The following MAP3K4 variants were observed in gnomAD, a reference collection of about 807,000 sequenced individuals.
The protein encoded by MAP3K4 is MAP three kinase 1.
Under a neutral mutation model 185.6 loss-of-function variants are expected in MAP3K4, and 67 were observed. The ratio of observed to expected loss-of-function variants is 0.36; its 90% CI spans 0.30 to 0.44. The LOEUF (loss-of-function observed/expected upper bound fraction) is 0.44, where lower values mean the gene tolerates loss of function less well. Ranked by LOEUF, MAP3K4 falls within the 20% of genes least tolerant of loss-of-function variation. The pLI, the probability that MAP3K4 is intolerant of heterozygous loss-of-function variation, is 1.00. For missense variants in MAP3K4, 1,551 were observed against 1,995.1 expected, an observed-to-expected ratio of 0.78 and a Z score of 4.24; for synonymous variants, 702 against 710.4, an observed-to-expected ratio of 0.99 and a Z score of 0.19.
chr6:161,001,027 ATTATATATT>A (rs1781280831), intron 1 of MAP3K4, among the ~76,000 whole-genome samples: 1 of 13,216 alleles, frequency 7.6e-5, no homozygotes, highest in Non-Finnish European at 1.5e-4. Flanking sequence ...TATAATATAT[ATTATATATT>A]ATAATATACA....
In MAP3K4 at chr6:161,109,810, C is replaced by G; in HGVS notation, c.4292C>G (p.Ser1431Ter). 1 of 1,614,110 alleles carries G rather than the reference C, an allele frequency of 6.2e-7. No individual in the cohort carries two copies. Among genetic ancestry groups the G allele is most frequent in the Non-Finnish European group, 8.5e-7 (1 of 1,180,024 alleles). Residue 1431 changes from serine to a stop codon, truncating the protein, a stop_gained, in exon 23 of 27, where the codon TCA becomes TGA. Coordinates refer to ENST00000392142, the MANE Select transcript of MAP3K4 (RefSeq NM_005922.4). LOFTEE classifies it high-confidence loss of function. The surrounding 1 kb of genome is among the most constrained non-coding windows in gnomAD (Gnocchi z 5.7). ...GATGAGGGGACTTTAGAAGAGGTGT[C>G]AAGGCTGGGACTTCAGGAACATGTG... The part of the protein sequence containing the change: ...YCDEGTLEEV[S>*]RLGLQEHVIR...
chr6:161,054,496 A>C lies in MAP3K4; in HGVS notation c.1707+4517A>C, dbSNP rs1980328. 0.19 allele frequency among the ~76,000 whole-genome samples: 28,981 copies of C among 152,184 alleles called. 3,484 individuals are homozygous for C. Among genetic ancestry groups the C allele is most frequent in the East Asian group, 0.34 (1,737 of 5,180 alleles). On this transcript the variant is annotated intron_variant, in intron 3 of 26. Coordinates refer to ENST00000392142, the MANE Select transcript of MAP3K4 (RefSeq NM_005922.4). This position sits in a 1 kb window ranked among gnomAD's most constrained non-coding sequence, Gnocchi z 4.2. The stretch of plus-strand genomic sequence containing the variant: ...TAAAACTTTATTAATATTTCAAAAT[A>C]TTTTAAAAGAACTGAACTAGCAATA...
chr6:161,032,407 T>C (rs1782971717), intron 1 of MAP3K4, among the ~76,000 whole-genome samples: 1 of 152,214 alleles, frequency 6.6e-6, no homozygotes, highest in Non-Finnish European at 1.5e-5. Flanking sequence ...CTGACTCTTT[T>C]GTTAAGTGTA....
At position 161,017,843 on chromosome 6, in the gene MAP3K4, A is replaced by G. The variant is rs1041354647; in HGVS notation, c.153-16416A>G. 3.3e-5 allele frequency among the ~76,000 whole-genome samples: 5 copies of G among 152,298 alleles called. No individual in the cohort carries two copies. Among genetic ancestry groups the G allele is most frequent in the African/African-American group, 7.2e-5 (3 of 41,574 alleles). On this transcript the variant is annotated intron_variant, in intron 1 of 26. Coordinates refer to ENST00000392142, the MANE Select transcript of MAP3K4 (RefSeq NM_005922.4). The surrounding 1 kb of genome is among the most constrained non-coding windows in gnomAD (Gnocchi z 5.1). ...GAAGGTCAAGTACTGGTTTTCCCAA[A>G]TGTGTGATGAAGCTGATTGTGCGTT...
At position 161,109,750 on chromosome 6, in the gene MAP3K4, C is replaced by T. The variant is rs1778263652; in HGVS notation, c.4237-5C>T. 2.5e-6 allele frequency: 4 copies of T among 1,613,918 alleles called. No individual in the cohort carries two copies. The highest frequency in any genetic ancestry group is 1.1e-5 in the South Asian group (1 of 91,074). On this transcript the variant is annotated splice_region_variant and splice_polypyrimidine_tract_variant and intron_variant, in intron 22 of 26. Transcript: ENST00000392142. The surrounding 1 kb of genome is among the most constrained non-coding windows in gnomAD (Gnocchi z 5.7). Reference sequence around the variant, plus strand: ...ACACAGAGCTGCCCTTTATTCCTCCCACAGGAAGAAATGTACATCTTCATG... The same window carrying T: ...ACACAGAGCTGCCCTTTATTCCTCCTACAGGAAGAAATGTACATCTTCATG...
At chr6:161,042,878 G>T (rs987868836) in intron 2 of MAP3K4, among the ~76,000 whole-genome samples, 3 of 150,530 alleles carry the variant, frequency 2.0e-5, no homozygotes, top group Admixed American at 6.7e-5. Context: ...CAGAAGTAGA[G>T]CAAATATTTT....
intron 1 of MAP3K4, among the ~76,000 whole-genome samples, chr6:160,993,820 CTG>C (rs1780862985): frequency 6.6e-6 from 1 of 150,838 alleles, no homozygotes; most frequent in Non-Finnish European, 1.5e-5. Context: ...TTTCATCCAA[CTG>C]TAAGTGAACA....
chr6:161,009,509 T>G (rs1302736815), intron 1 of MAP3K4, among the ~76,000 whole-genome samples: 1 of 152,206 alleles, frequency 6.6e-6, no homozygotes, highest in African/African-American at 2.4e-5. Context: ...TTTTTCTGAT[T>G]GGCTTATTTC....
Position 161,086,256 on chromosome 6 carries a change from A to G in MAP3K4, c.2373-123A>G, listed in dbSNP as rs117412379. ...TCAATAATAGTTTGTTCCCATTTAA[A>G]AAATCCTCAGTCTTTATTTATTACT... On this transcript the variant is annotated intron_variant, in intron 7 of 26. Coordinates refer to ENST00000392142, the MANE Select transcript of MAP3K4 (RefSeq NM_005922.4). The surrounding 1 kb of genome is among the most constrained non-coding windows in gnomAD (Gnocchi z 4.8). The G allele has an allele frequency of 8.6e-4, 476 of 552,920 alleles. 5 individuals carry two copies. The East Asian group carries it at 0.013, about 15-fold the overall frequency. The allele number at this position is 552,920 out of a possible 1,614,324, so 34.3% of individuals were successfully genotyped here.
In MAP3K4 at chr6:161,117,157, G is replaced by A. The variant is rs1393306569; in HGVS notation, c.*287G>A. The stretch of plus-strand genomic sequence containing the variant: ...TCCGTGTCTCGCGCGACTGAGAACC[G>A]TGACATCAGCGTAGTGTTTTGACCT... On this transcript the variant is annotated 3_prime_UTR_variant, in exon 27 of 27. Transcript: ENST00000392142. The A allele has an allele frequency of 2.9e-5, 12 of 410,180 alleles. No individual in the cohort carries two copies. Among genetic ancestry groups the A allele is most frequent in the South Asian group, 4.7e-5 (1 of 21,114 alleles). 25.4% of individuals were successfully genotyped at this position (410,180 alleles called of 1,614,324 possible).
intron 2 of MAP3K4, among the ~76,000 whole-genome samples, chr6:161,041,740 C>G (rs1783462433): frequency 6.6e-6 from 1 of 152,072 alleles, no homozygotes; most frequent in Non-Finnish European, 1.5e-5. Context: ...AGTGCCTTGT[C>G]TTGGACCTTT....
chr6:161,089,244 T>G (rs1238054205), intron 10 of MAP3K4, 78 bp from the exon 11 acceptor site: 3 of 1,486,500 alleles, frequency 2.0e-6, no homozygotes, highest in Non-Finnish European at 1.8e-6. Flanking sequence ...TTGGCATTGT[T>G]TTTGGACTGG....
rs1057303312 is a variant in MAP3K4, at chr6:161,075,208, G to A, written c.2097+1596G>A. Among the ~76,000 whole-genome samples the A allele has an allele frequency of 2.2e-4, 34 of 152,118 alleles. No homozygotes were observed. The highest frequency in any genetic ancestry group is 7.7e-4 in the African/African-American group (32 of 41,410). The stretch of plus-strand genomic sequence containing the variant: ...TTTGCTCTGTCACCTAGACTGAAAC[G>A]CAGTGGTGTGTTGACGGCTTCCTGT... On this transcript the variant is annotated intron_variant, in intron 5 of 26. Transcript: ENST00000392142. This position sits in a 1 kb window ranked among gnomAD's most constrained non-coding sequence, Gnocchi z 4.3.
Position 161,098,283 on chromosome 6 carries a change from G to A in MAP3K4, c.3530G>A (p.Arg1177Gln), listed in dbSNP as rs370587032. 4.3e-6 allele frequency: 7 copies of A among 1,612,446 alleles called. No homozygotes were observed. Among genetic ancestry groups the A allele is most frequent in the African/African-American group, 2.7e-5 (2 of 74,794 alleles). The change falls in exon 17 of 27, where the codon CGG becomes CAG. Residue 1177 changes from arginine to glutamine, a missense_variant. Arg to Gln is a conservative substitution (Grantham distance 43). This residue lies in a region of MAP3K4 where 272 missense variants were observed against 301.2 expected (regional missense o/e 0.90). Transcript: ENST00000392142. This position sits in a 1 kb window ranked among gnomAD's most constrained non-coding sequence, Gnocchi z 4.4. Reference protein sequence around the residue: ...IIPTPEGFSTRSMPSDARSHG... With the variant: ...IIPTPEGFSTQSMPSDARSHG... ...AGCTTTTCTTCTTGTCTTAGCACTC[G>A]GAGCATGCCTTCCGACGCGCGGAGC...
At position 161,102,759 on chromosome 6, in the gene MAP3K4, C is replaced by T; in HGVS notation, c.3836C>T (p.Thr1279Ile). Residue 1279 changes from threonine (T) to isoleucine (I), a missense_variant, in exon 19 of 27, where the codon ACA becomes ATA. Thr to Ile is a moderately conservative substitution (Grantham distance 89, BLOSUM62 -1). This residue lies in a region of MAP3K4 where 272 missense variants were observed against 301.2 expected (regional missense o/e 0.90). Coordinates refer to ENST00000392142, the MANE Select transcript of MAP3K4 (RefSeq NM_005922.4). ...GSTRRSWELRTLISQSKDTAS... is the reference protein window; with the variant it reads ...GSTRRSWELRILISQSKDTAS... ...ACAAGAAGAAGTTGGGAACTTCGGA[C>T]ACTAATCAGCCAGAGTAAAGGTGAG... is the stretch of plus-strand genomic sequence containing the variant. 1 of 1,520,082 alleles carries T rather than the reference C, an allele frequency of 6.6e-7. No individual in the cohort carries two copies. The highest frequency in any genetic ancestry group is 1.4e-5 in the African/African-American group (1 of 69,122). 94.2% of individuals were successfully genotyped at this position (1,520,082 alleles called of 1,614,324 possible). A position where few individuals can be genotyped will look rare whatever the true frequency, so the allele number is the denominator to read the frequency against.
intron 1 of MAP3K4, among the ~76,000 whole-genome samples, chr6:161,006,830 G>A (rs1054742785): frequency 6.6e-6 from 1 of 151,484 alleles, no homozygotes; most frequent in African/African-American, 2.4e-5. Context: ...ATACGCAAAT[G>A]TAACATTCTC....
intron 1 of MAP3K4, among the ~76,000 whole-genome samples, chr6:161,006,318 T>C (rs1433445061): frequency 6.6e-6 from 1 of 152,228 alleles, no homozygotes; most frequent in Non-Finnish European, 1.5e-5. Flanking sequence ...TCTGCATCTG[T>C]GGATTCAACC....
chr6:161,044,868 T>C (rs1284519082), intron 2 of MAP3K4, among the ~76,000 whole-genome samples: 3 of 152,100 alleles, frequency 2.0e-5, no homozygotes, highest in South Asian at 2.1e-4. Context: ...CATGAACTAA[T>C]AGAGCGAGGA....
rs2114745944 is a variant in MAP3K4, at chr6:161,043,589, T to TA, written c.344-5026dup. 6.6e-6 allele frequency among the ~76,000 whole-genome samples: 1 copy of TA among 152,292 alleles called. No homozygotes were observed. Among genetic ancestry groups the TA allele is most frequent in the South Asian group, 2.1e-4 (1 of 4,822 alleles). The stretch of plus-strand genomic sequence containing the variant: ...GTGATAATCTTCATCATCATGTTGT[T>TA]ACGAAAATTATGACAATGTCTGTGA... On this transcript the variant is annotated intron_variant, in intron 2 of 26. Coordinates refer to ENST00000392142, the MANE Select transcript of MAP3K4 (RefSeq NM_005922.4). The surrounding 1 kb of genome is among the most constrained non-coding windows in gnomAD (Gnocchi z 4.3).
Sources: gnomAD v4.1 joint callset for allele counts (sites outside exome capture counted in the v4.1 genomes callset) on GRCh38, gnomAD v4.1.1 for gene constraint, gnomAD v4.1.1 regional missense constraint, Gnocchi (gnomAD v3.1) non-coding constraint, MANE v1.5 for transcripts, NCBI Gene and HGNC (gene_info 2026-07-23, HGNC 2026-07-21) for gene names.